LNX2: variants seen among roughly 807,000 people sequenced by gnomAD.
The protein encoded by LNX2 is ligand of Numb protein X 2.
In LNX2, 35 loss-of-function variants were observed where a neutral mutation model predicts 66.2. The observed-to-expected ratio is 0.53, with a 90% CI of 0.40 to 0.70. The LOEUF (loss-of-function observed/expected upper bound fraction) is 0.70. LNX2 is among the 30% of genes least tolerant of loss of function. The pLI, the probability that LNX2 is intolerant of heterozygous loss-of-function variation, is 0.00. For synonymous variants in LNX2, 337 were observed against 315.6 expected (o/e 1.07, Z -0.72); for missense variants, 791 against 850.8 (o/e 0.93, Z 0.87).
In LNX2 at chr13:27,583,261, C is replaced by CGCGCGCGCGCGCGCGCGTGT. The variant is rs11281345; in HGVS notation, c.-100-1459_-100-1458insACACGCGCGCGCGCGCGCGC. On this transcript the variant is annotated intron_variant, in intron 1 of 9. Coordinates refer to ENST00000316334, the MANE Select transcript of LNX2 (RefSeq NM_153371.4). ...GTGTGTGTGTGTGTGTGTGTGCGCG[C>CGCGCGCGCGCGCGCGCGTGT]GTCCTCTCCAACATACTTATTTTTA... Among the ~76,000 whole-genome samples, 2 of 45,480 alleles carry CGCGCGCGCGCGCGCGCGTGT rather than the reference C, an allele frequency of 4.4e-5. 1 individual carries two copies. The highest frequency in any genetic ancestry group is 9.1e-5 in the Non-Finnish European group (2 of 22,058). 29.8% of individuals were successfully genotyped at this position (45,480 alleles called of 152,430 possible). A position where few individuals can be genotyped will look rare whatever the true frequency, so the allele number is the denominator to read the frequency against.
chr13:27,614,184 G>A lies in LNX2; in HGVS notation c.-101+6191C>T, dbSNP rs568385845. On this transcript the variant is annotated intron_variant, in intron 1 of 9. Coordinates refer to ENST00000316334, the MANE Select transcript of LNX2 (RefSeq NM_153371.4). ...AACCACCTTTGTAAAGCTAATGAGG[G>A]ACCACGAAGCTAGGCAACAGAGGAA... 2.6e-3 allele frequency among the ~76,000 whole-genome samples: 399 copies of A among 152,280 alleles called. 1 individual carries two copies. The highest frequency in any genetic ancestry group is 4.6e-3 in the Non-Finnish European group (316 of 68,008).
intron 1 of LNX2, among the ~76,000 whole-genome samples, chr13:27,618,552 T>C (rs1169441109): frequency 2.0e-5 from 3 of 152,198 alleles, no homozygotes; most frequent in Non-Finnish European, 4.4e-5. Flanking sequence ...CATGACATTC[T>C]CCTGCTTAAA....
In LNX2 at chr13:27,610,070, T is replaced by G. The variant is rs545221876; in HGVS notation, c.-101+10305A>C. Among the ~76,000 whole-genome samples, 162 of 152,332 alleles carry G rather than the reference T, an allele frequency of 1.1e-3. 1 individual carries two copies. In the South Asian group the frequency reaches 0.032, roughly 30 times the overall value. ...ATAAATATTTCATGTGGGAACTAATTGCTATGGACACTTGAAATCTATTAA... is the reference window on the plus strand; with the variant it reads ...ATAAATATTTCATGTGGGAACTAATGGCTATGGACACTTGAAATCTATTAA... On this transcript the variant is annotated intron_variant, in intron 1 of 9. Transcript: ENST00000316334.
intron 1 of LNX2, among the ~76,000 whole-genome samples, chr13:27,586,658 G>A (rs777725403): frequency 6.6e-6 from 1 of 152,216 alleles, no homozygotes; most frequent in Non-Finnish European, 1.5e-5. Flanking sequence ...ATATGTTTGA[G>A]TTCAGATATT....
At chr13:27,591,383 G>A (rs1955544944) in intron 1 of LNX2, among the ~76,000 whole-genome samples, 1 of 152,132 alleles carries the variant, frequency 6.6e-6, no homozygotes, top group Non-Finnish European at 1.5e-5. Context: ...ACTATATGAA[G>A]CCCCTAGGAT....
chr13:27,583,263 T>C lies in LNX2; in HGVS notation c.-100-1460A>G, dbSNP rs1459548855. Among the ~76,000 whole-genome samples the C allele has an allele frequency of 3.5e-3, 63 of 18,072 alleles. 6 individuals are homozygous for C. The highest frequency in any genetic ancestry group is 0.022 in the South Asian group (10 of 456). The allele number at this position is 18,072 out of a possible 152,430, so 11.9% of individuals were successfully genotyped here. A position where few individuals can be genotyped will look rare whatever the true frequency, so the allele number is the denominator to read the frequency against. On this transcript the variant is annotated intron_variant, in intron 1 of 9. Coordinates refer to ENST00000316334, the MANE Select transcript of LNX2 (RefSeq NM_153371.4). ...GTGTGTGTGTGTGTGTGTGCGCGCG[T>C]CCTCTCCAACATACTTATTTTTAAG... is the stretch of plus-strand genomic sequence containing the variant.
At chr13:27,613,458 T>G (rs950182320) in intron 1 of LNX2, among the ~76,000 whole-genome samples, 1 of 152,122 alleles carries the variant, frequency 6.6e-6, no homozygotes, top group African/African-American at 2.4e-5. Context: ...AACGACAAGA[T>G]GCCAAATGAA....
At position 27,583,251 on chromosome 13, in the gene LNX2, TGTGTGCGCGC is replaced by T. The variant is rs1566124857; in HGVS notation, c.-100-1458_-100-1449del. The stretch of plus-strand genomic sequence containing the variant: ...GTGTGTGTGTGTGTGTGTGTGTGTG[TGTGTGCGCGC>T]GTCCTCTCCAACATACTTATTTTTA... On this transcript the variant is annotated intron_variant, in intron 1 of 9. Coordinates refer to ENST00000316334, the MANE Select transcript of LNX2 (RefSeq NM_153371.4). 6.0e-4 allele frequency among the ~76,000 whole-genome samples: 28 copies of T among 46,626 alleles called. 5 individuals are homozygous for T. Among genetic ancestry groups the T allele is most frequent in the Non-Finnish European group, 7.8e-4 (21 of 26,904 alleles). 30.6% of individuals were successfully genotyped at this position (46,626 alleles called of 152,430 possible).
rs1030690937 is a variant in LNX2, at chr13:27,546,281, G to C, written c.*2054C>G. On this transcript the variant is annotated 3_prime_UTR_variant, in exon 10 of 10. Transcript: ENST00000316334. ...GTAGCAGTCAGGATATTTGTTGATG[G>C]ATGGCTACTCCCCAAGAAATGACAC... 3.3e-5 allele frequency: 5 copies of C among 152,122 alleles called. No individual in the cohort carries two copies. The highest frequency in any genetic ancestry group is 1.2e-4 in the African/African-American group (5 of 41,424). 9.4% of individuals were successfully genotyped at this position (152,122 alleles called of 1,614,324 possible). A position where few individuals can be genotyped will look rare whatever the true frequency, so the allele number is the denominator to read the frequency against.
intron 1 of LNX2, among the ~76,000 whole-genome samples, chr13:27,616,933 T>A (rs1181114298): frequency 6.6e-6 from 1 of 152,182 alleles, no homozygotes; most frequent in Admixed American, 6.5e-5. Context: ...GTATTTTTAG[T>A]AGAGACAGGG....
intron 1 of LNX2, among the ~76,000 whole-genome samples, chr13:27,586,948 A>C (rs1166607482): frequency 6.6e-6 from 1 of 152,190 alleles, no homozygotes; most frequent in Non-Finnish European, 1.5e-5. Context: ...TTCCTGGTTT[A>C]AGGGATAAGA....
intron 1 of LNX2, among the ~76,000 whole-genome samples, chr13:27,597,930 T>C (rs1422001891): frequency 1.3e-5 from 2 of 152,140 alleles, no homozygotes; most frequent in African/African-American, 2.4e-5. Flanking sequence ...CTCATAAATA[T>C]AAGAATTTCC....
rs577350932 is a variant in LNX2 at position 27,547,575 on chromosome 13, G to A, written c.*760C>T. On this transcript the variant is annotated 3_prime_UTR_variant, in exon 10 of 10. Transcript: ENST00000316334. ...GTTGGCACCAATAAAAAATGGGAACGGCCGGGTGCGGCAGCTCACACCTGT... is the reference window on the plus strand; with the variant it reads ...GTTGGCACCAATAAAAAATGGGAACAGCCGGGTGCGGCAGCTCACACCTGT... The A allele has an allele frequency of 2.6e-5, 4 of 152,308 alleles. No homozygotes were observed. Among genetic ancestry groups the A allele is most frequent in the South Asian group, 2.1e-4 (1 of 4,822 alleles). 9.4% of individuals were successfully genotyped at this position (152,308 alleles called of 1,614,324 possible). A position where few individuals can be genotyped will look rare whatever the true frequency, so the allele number is the denominator to read the frequency against.
At chr13:27,550,788 G>C (rs1375379217) in intron 8 of LNX2, among the ~76,000 whole-genome samples, 2 of 151,976 alleles carry the variant, frequency 1.3e-5, no homozygotes, top group Non-Finnish European at 2.9e-5. Context: ...GTACAAAAAG[G>C]TCATGTACCT....
At chr13:27,619,785 T>G (rs980334373) in intron 1 of LNX2, among the ~76,000 whole-genome samples, 9 of 152,242 alleles carry the variant, frequency 5.9e-5, no homozygotes, top group Non-Finnish European at 1.2e-4. Flanking sequence ...ATGCTTTGTG[T>G]GCAACTGCTT....
In LNX2 at chr13:27,581,327, CGT is replaced by C; in HGVS notation, c.375_376del (p.Arg126LeufsTer2). Reference sequence around the variant, plus strand: ...TTTGAGATGTGCCTCCAGATCACAACGTTGCATTACATCTTTGCACACTGAAG... The same window carrying C: ...TTTGAGATGTGCCTCCAGATCACAACTGCATTACATCTTTGCACACTGAAG... On this transcript the variant is annotated frameshift_variant, in exon 2 of 10. Coordinates refer to ENST00000316334, the MANE Select transcript of LNX2 (RefSeq NM_153371.4). LOFTEE classifies it high-confidence loss of function. The C allele has an allele frequency of 6.6e-7, 1 of 1,511,454 alleles. No homozygotes were observed. The highest frequency in any genetic ancestry group is 8.9e-7 in the Non-Finnish European group (1 of 1,127,570). The allele number at this position is 1,511,454 out of a possible 1,614,324, so 93.6% of individuals were successfully genotyped here. A position where few individuals can be genotyped will look rare whatever the true frequency, so the allele number is the denominator to read the frequency against.
intron 1 of LNX2, among the ~76,000 whole-genome samples, chr13:27,599,730 T>C (rs1955636848): frequency 6.6e-6 from 1 of 152,174 alleles, no homozygotes; most frequent in Non-Finnish European, 1.5e-5. Context: ...ATTATGTTAA[T>C]GGAAGGGAAG....
At chr13:27,577,918 C>T (rs887820955) in intron 2 of LNX2, among the ~76,000 whole-genome samples, 4 of 152,100 alleles carry the variant, frequency 2.6e-5, no homozygotes, top group African/African-American at 9.7e-5. Flanking sequence ...TTCAAAGAAA[C>T]AATCAAAATG....
chr13:27,549,006 TTTATA>T (rs1225461348), intron 9 of LNX2, among the ~76,000 whole-genome samples: 1 of 152,218 alleles, frequency 6.6e-6, no homozygotes, highest in Non-Finnish European at 1.5e-5. Context: ...TGGTCTTCTA[TTTATA>T]CCATAAATAT....
Sources: allele counts gnomAD v4.1 joint callset (sites outside exome capture counted in the v4.1 genomes callset), GRCh38; gene constraint gnomAD v4.1.1; transcripts MANE v1.5; gene names NCBI Gene and HGNC (gene_info 2026-07-23, HGNC 2026-07-21).